The following DCHS2 variants were observed in gnomAD, a reference collection of about 807,000 sequenced individuals.
DCHS2 encodes the protein dachsous cadherin-related 2, also known as protocadherin-23.
Under a neutral mutation model 182.4 loss-of-function variants are expected in DCHS2, and 142 were observed. The ratio of observed to expected loss-of-function variants is 0.78; its 90% CI spans 0.68 to 0.89. The LOEUF (loss-of-function observed/expected upper bound fraction) is 0.89. Among genes scored for constraint, DCHS2 ranks in the 40% least tolerant of loss-of-function variants. DCHS2 has a pLI of 0.00. For synonymous variants in DCHS2, 1,740 were observed against 1,663.3 expected (o/e 1.05, Z -1.12); for missense variants, 4,319 against 4,198.6 (o/e 1.03, Z -0.79).
chr4:154,334,746 A>G (rs562240935), intron 4 of DCHS2, 122 bp downstream of exon 4: 1 of 747,074 alleles, frequency 1.3e-6, no homozygotes, highest in East Asian at 2.5e-5. Context: ...AGTTTGTGTT[A>G]TCTCCCTTGT....
intron 1 of DCHS2, among the ~76,000 whole-genome samples, chr4:154,473,948 T>C (rs1473242184): frequency 6.6e-6 from 1 of 152,166 alleles, no homozygotes; most frequent in African/African-American, 2.4e-5. Flanking sequence ...CAACAGAAAT[T>C]CATTATCTCA....
chr4:154,251,190 A>T (rs574202294), intron 16 of DCHS2, among the ~76,000 whole-genome samples: 4 of 152,330 alleles, frequency 2.6e-5, no homozygotes, highest in Admixed American at 2.6e-4. Context: ...TGGAGAATAC[A>T]CTGAGTTTAG....
chr4:154,383,833 AT>A (rs1368936585), intron 1 of DCHS2, among the ~76,000 whole-genome samples: 4 of 152,196 alleles, frequency 2.6e-5, no homozygotes, highest in African/African-American at 9.7e-5. Context: ...GTGAAAAAAA[AT>A]AAAAACGTCT....
At chr4:154,313,755 A>G (rs1735754414) in intron 10 of DCHS2, among the ~76,000 whole-genome samples, 1 of 152,254 alleles carries the variant, frequency 6.6e-6, no homozygotes, top group Non-Finnish European at 1.5e-5. Flanking sequence ...TGAGATTTCC[A>G]GTAAATCAAA....
intron 1 of DCHS2, among the ~76,000 whole-genome samples, chr4:154,459,809 G>A (rs1045476725): frequency 3.2e-5 from 4 of 125,796 alleles, no homozygotes; most frequent in East Asian, 2.2e-4. Context: ...TCTTTCTCTC[G>A]CTCATGGTTT....
chr4:154,269,822 T>C, intron 14 of DCHS2, 78 bp downstream of exon 14: 1 of 1,549,034 alleles, frequency 6.5e-7, no homozygotes, highest in Non-Finnish European at 8.7e-7. Context: ...GCTCTAACAA[T>C]TTCTACTTTG....
intron 1 of DCHS2, among the ~76,000 whole-genome samples, chr4:154,452,806 G>C (rs1413072095): frequency 1.3e-5 from 2 of 152,132 alleles, no homozygotes; most frequent in African/African-American, 4.8e-5. Flanking sequence ...AGCAGTATTT[G>C]TTACTTATTA....
chr4:154,288,112 C>T (rs981073105), intron 13 of DCHS2, among the ~76,000 whole-genome samples: 1 of 151,950 alleles, frequency 6.6e-6, no homozygotes, highest in Non-Finnish European at 1.5e-5. Flanking sequence ...CTAAACTCCC[C>T]AATCAAAAGA....
At chr4:154,300,560 GC>G (rs1735158123) in intron 12 of DCHS2, among the ~76,000 whole-genome samples, 1 of 150,956 alleles carries the variant, frequency 6.6e-6, no homozygotes, top group South Asian at 2.1e-4. Context: ...GGTGACATGT[GC>G]CTGTATTCCC....
At chr4:154,252,436 C>T (rs1339782784) in intron 16 of DCHS2, among the ~76,000 whole-genome samples, 1 of 152,018 alleles carries the variant, frequency 6.6e-6, no homozygotes, top group Non-Finnish European at 1.5e-5. Context: ...TTCATTCATT[C>T]CAACTATATT....
At position 154,490,057 on chromosome 4, in the gene DCHS2, G is replaced by C. The variant is rs528454127; in HGVS notation, c.1299C>G (p.Gly433=). 20 of 1,548,540 alleles carry C rather than the reference G, an allele frequency of 1.3e-5. No homozygotes were observed. In the South Asian group the frequency reaches 2.4e-4, roughly 18 times the overall value. Residue 433 remains glycine, a synonymous_variant, in exon 1 of 20, where the codon GGC becomes GGG. Coordinates refer to ENST00000357232, the MANE Select transcript of DCHS2 (RefSeq NM_001358235.2). ...VARVSEGARP[G]DYVARVSVSD... ...ACACCGAGACGCGAGCCACGTAGTC[G>C]CCCGGTCGGGCGCCTTCAGAGACAC... is the stretch of plus-strand genomic sequence containing the variant.
At chr4:154,238,142 A>G (rs980993181) in intron 19 of DCHS2, among the ~76,000 whole-genome samples, 4 of 82,440 alleles carry the variant, frequency 4.9e-5, no homozygotes, top group Non-Finnish European at 9.8e-5. Flanking sequence ...AGAGACAGAC[A>G]GAGAGAGAAA....
intron 16 of DCHS2, among the ~76,000 whole-genome samples, chr4:154,244,689 A>G (rs1352381773): frequency 6.6e-6 from 1 of 152,202 alleles, no homozygotes; most frequent in Admixed American, 6.6e-5. Context: ...ATATTAAATC[A>G]TCAGGGCTTA....
chr4:154,491,677 C>T lies in DCHS2; in HGVS notation c.-322G>A, dbSNP rs112710347. 1.2e-3 allele frequency: 1,381 copies of T among 1,166,218 alleles called. 9 individuals carry two copies. In the African/African-American group the frequency reaches 0.018, roughly 15 times the overall value. The allele number at this position is 1,166,218 out of a possible 1,614,324, so 72.2% of individuals were successfully genotyped here. ...CTTTACATCTGTTCCTTGTTCTACT[C>T]GGCTGGTTGTTCCCCCCTGGTAAAG... On this transcript the variant is annotated 5_prime_UTR_variant, in exon 1 of 20. Transcript: ENST00000357232.
At chr4:154,373,775 A>G (rs1453939036) in intron 2 of DCHS2, 15 of 649,684 alleles carry the variant, frequency 2.3e-5, no homozygotes, top group Non-Finnish European at 3.7e-5. Flanking sequence ...CAAGACGGGC[A>G]AGAGGGCAAG....
At chr4:154,357,096 C>T in intron 3 of DCHS2, 10 of 629,356 alleles carry the variant, frequency 1.6e-5, no homozygotes. Context: ...GTAAAATAAT[C>T]TAACATCAAC....
intron 3 of DCHS2, chr4:154,343,509 G>A: frequency 1.3e-6 from 2 of 1,495,662 alleles, no homozygotes; most frequent in East Asian, 2.5e-5. Context: ...ATACCTTGCT[G>A]CAGCTTCTCC....
chr4:154,437,923 A>T (rs1387001477), intron 1 of DCHS2, among the ~76,000 whole-genome samples: 1 of 152,120 alleles, frequency 6.6e-6, no homozygotes. Flanking sequence ...TGTAATCCCA[A>T]CACTTCGGAA....
intron 17 of DCHS2, among the ~76,000 whole-genome samples, chr4:154,241,490 G>A (rs1343588570): frequency 1.3e-5 from 2 of 152,050 alleles, no homozygotes; most frequent in Non-Finnish European, 2.9e-5. Flanking sequence ...CACCACATAT[G>A]TTCTGTAGCC....
Sources: allele counts gnomAD v4.1 joint callset (sites outside exome capture counted in the v4.1 genomes callset), GRCh38; gene constraint gnomAD v4.1.1; transcripts MANE v1.5; gene names NCBI Gene and HGNC (gene_info 2026-07-23, HGNC 2026-07-21).